The following CTNNA3 variants were observed in gnomAD, a reference collection of about 807,000 sequenced individuals.
CTNNA3 encodes the protein catenin alpha-3.
In CTNNA3, 76 loss-of-function variants were observed where a neutral mutation model predicts 95.7. That is an observed-to-expected ratio of 0.79 (90% CI 0.66 to 0.96). The LOEUF (loss-of-function observed/expected upper bound fraction) is 0.96. CTNNA3 is among the 40% of genes least tolerant of loss of function. The pLI, the probability that CTNNA3 is intolerant of heterozygous loss-of-function variation, is 0.00. For synonymous variants in CTNNA3, 431 were observed against 374.4 expected (o/e 1.15, Z -1.74); for missense variants, 1,191 against 1,089.8 (o/e 1.09, Z -1.31).
intron 13 of CTNNA3, among the ~76,000 whole-genome samples, chr10:66,106,076 A>G (rs1332866843): frequency 2.0e-5 from 3 of 151,978 alleles, no homozygotes; most frequent in South Asian, 2.1e-4. Context: ...GCGTGGTGGC[A>G]CATGCCTGTA....
intron 10 of CTNNA3, among the ~76,000 whole-genome samples, chr10:66,618,595 A>G (rs530922082): frequency 1.3e-5 from 2 of 152,162 alleles, no homozygotes; most frequent in African/African-American, 4.8e-5. Context: ...TAGACCTAAA[A>G]CCATAAAAAC....
intron 10 of CTNNA3, among the ~76,000 whole-genome samples, chr10:66,571,157 G>A (rs1842856744): frequency 6.6e-6 from 1 of 152,126 alleles, no homozygotes; most frequent in Non-Finnish European, 1.5e-5. Context: ...TTTCTAGACG[G>A]AGAAACAATT....
chr10:66,097,549 G>A (rs1272897263), intron 14 of CTNNA3, among the ~76,000 whole-genome samples: 1 of 152,122 alleles, frequency 6.6e-6, no homozygotes, highest in Non-Finnish European at 1.5e-5. Flanking sequence ...CATATGGACA[G>A]TAATTGGTGG....
At chr10:65,968,793 G>A (rs1386604114) in intron 16 of CTNNA3, among the ~76,000 whole-genome samples, 1 of 152,184 alleles carries the variant, frequency 6.6e-6, no homozygotes, top group Non-Finnish European at 1.5e-5. Context: ...TCTGTGTGTA[G>A]AGAATTTGAG....
chr10:66,861,593 T>A (rs1843930320), intron 7 of CTNNA3, among the ~76,000 whole-genome samples: 1 of 152,190 alleles, frequency 6.6e-6, no homozygotes, highest in Non-Finnish European at 1.5e-5. Context: ...GATAGATGGA[T>A]ACATATTGTA....
rs146411974 is a variant in CTNNA3 at position 67,665,287 on chromosome 10, C to A, written c.-5-17769G>T. 6.4e-3 allele frequency among the ~76,000 whole-genome samples: 968 copies of A among 152,208 alleles called. 50 individuals carry two copies. Among genetic ancestry groups the A allele is most frequent in the Admixed American group, 0.058 (883 of 15,290 alleles). On this transcript the variant is annotated intron_variant, in intron 1 of 17. Coordinates refer to ENST00000433211, the MANE Select transcript of CTNNA3 (RefSeq NM_013266.4). ...TTTTTATCTAAATCTGAAATGCCTG[C>A]TAATATACTCGGAAAAGTAGACATT... is the stretch of plus-strand genomic sequence containing the variant.
intron 11 of CTNNA3, among the ~76,000 whole-genome samples, chr10:66,463,273 A>T (rs1231902655): frequency 6.6e-6 from 1 of 152,078 alleles, no homozygotes; most frequent in Non-Finnish European, 1.5e-5. Context: ...TTGCTCTATT[A>T]GTTCCTTTGA....
intron 12 of CTNNA3, among the ~76,000 whole-genome samples, chr10:66,329,812 A>T (rs1473897206): frequency 6.6e-6 from 1 of 152,092 alleles, no homozygotes; most frequent in Non-Finnish European, 1.5e-5. Context: ...TACTTTATAT[A>T]ATACCCTGTA....
chr10:67,113,486 T>C (rs1859009276), intron 7 of CTNNA3, among the ~76,000 whole-genome samples: 1 of 152,186 alleles, frequency 6.6e-6, no homozygotes, highest in Admixed American at 6.5e-5. Flanking sequence ...GAGATAACAT[T>C]TCAAGACTTT....
chr10:67,591,675 G>C (rs758829398), intron 3 of CTNNA3, among the ~76,000 whole-genome samples: 1 of 151,872 alleles, frequency 6.6e-6, no homozygotes, highest in Non-Finnish European at 1.5e-5. Context: ...ACAGAAAAGA[G>C]CATAAGAGAC....
intron 17 of CTNNA3, among the ~76,000 whole-genome samples, chr10:65,952,521 C>A (rs1272804353): frequency 6.6e-6 from 1 of 151,858 alleles, no homozygotes; most frequent in African/African-American, 2.4e-5. Context: ...CTTTCTTTCT[C>A]TATAAATATT....
chr10:67,344,979 T>C (rs1370111023), intron 5 of CTNNA3, among the ~76,000 whole-genome samples: 2 of 151,998 alleles, frequency 1.3e-5, no homozygotes, highest in African/African-American at 4.8e-5. Flanking sequence ...TAGACATTTA[T>C]AGATATAAAC....
chr10:66,583,816 G>A (rs1473469236), intron 10 of CTNNA3, among the ~76,000 whole-genome samples: 1 of 151,582 alleles, frequency 6.6e-6, no homozygotes, highest in Non-Finnish European at 1.5e-5. Flanking sequence ...TTGGCATTTT[G>A]CACTATAAAC....
intron 5 of CTNNA3, among the ~76,000 whole-genome samples, chr10:67,314,695 T>C (rs1840967799): frequency 6.6e-6 from 1 of 152,202 alleles, no homozygotes; most frequent in Admixed American, 6.5e-5. Context: ...TTCATAAAAT[T>C]ATTATCAAAG....
At chr10:67,691,779 C>T (rs1840861390) in intron 1 of CTNNA3, among the ~76,000 whole-genome samples, 3 of 147,950 alleles carry the variant, frequency 2.0e-5, no homozygotes, top group Admixed American at 2.0e-4. Context: ...CAGCCCCCCG[C>T]CTGGCCAGCC....
intron 9 of CTNNA3, among the ~76,000 whole-genome samples, chr10:66,725,329 T>G (rs1848747978): frequency 6.6e-6 from 1 of 152,094 alleles, no homozygotes; most frequent in African/African-American, 2.4e-5. Flanking sequence ...CTAATATGCT[T>G]TAGGTGATCT....
chr10:66,350,329 A>G (rs1300516169), intron 12 of CTNNA3, among the ~76,000 whole-genome samples: 2 of 152,144 alleles, frequency 1.3e-5, no homozygotes, highest in Non-Finnish European at 2.9e-5. Context: ...GTCACTGCCT[A>G]GGCAAATGAT....
chr10:67,517,411 T>C (rs1179199887), intron 5 of CTNNA3, among the ~76,000 whole-genome samples: 1 of 152,164 alleles, frequency 6.6e-6, no homozygotes, highest in Non-Finnish European at 1.5e-5. Context: ...TTCTTCTGTT[T>C]AATAAAAGTT....
At chr10:66,128,258 AT>A (rs1291574521) in intron 13 of CTNNA3, among the ~76,000 whole-genome samples, 1 of 152,200 alleles carries the variant, frequency 6.6e-6, no homozygotes, top group African/African-American at 2.4e-5. Flanking sequence ...ATAACAACTT[AT>A]TTAAAAATAA....
Sources: allele counts gnomAD v4.1 joint callset (sites outside exome capture counted in the v4.1 genomes callset), GRCh38; gene constraint gnomAD v4.1.1; transcripts MANE v1.5; gene names NCBI Gene and HGNC (gene_info 2026-07-23, HGNC 2026-07-21).